The following KCNT2 variants were observed in gnomAD, a reference collection of about 807,000 sequenced individuals.
The protein encoded by KCNT2 is potassium channel subfamily T member 2.
KCNT2 carries 67 observed loss-of-function variants against 153.8 expected under a neutral mutation model. The observed-to-expected ratio is 0.44, with a 90% CI of 0.36 to 0.53. KCNT2 has a LOEUF of 0.53. Ranked by LOEUF, KCNT2 falls within the 20% of genes least tolerant of loss-of-function variation. KCNT2 has a pLI of 0.00. For synonymous variants in KCNT2, 500 were observed against 458.8 expected, an observed-to-expected ratio of 1.09 and a Z score of -1.15; for missense variants, 975 against 1,354.8, an observed-to-expected ratio of 0.72 and a Z score of 4.40.
intron 1 of KCNT2, among the ~76,000 whole-genome samples, chr1:196,527,780 GA>G (rs1355159296): frequency 3.3e-5 from 5 of 152,162 alleles, no homozygotes; most frequent in African/African-American, 1.2e-4. Flanking sequence ...TGGTGCACAA[GA>G]AGGAACATAA....
At chr1:196,522,357 G>T (rs1212433759) in intron 1 of KCNT2, among the ~76,000 whole-genome samples, 1 of 152,176 alleles carries the variant, frequency 6.6e-6, no homozygotes, top group Non-Finnish European at 1.5e-5. Context: ...ATTACTACTA[G>T]AGGTACCAGC....
intron 1 of KCNT2, among the ~76,000 whole-genome samples, chr1:196,561,589 C>T (rs888322272): frequency 2.2e-5 from 3 of 138,496 alleles, no homozygotes; most frequent in South Asian, 2.4e-4. Context: ...AGAATGCTCA[C>T]GTTGCAGTGA....
chr1:196,471,415 GT>G (rs938536086), intron 5 of KCNT2, among the ~76,000 whole-genome samples: 33 of 151,466 alleles, frequency 2.2e-4, no homozygotes, highest in African/African-American at 7.3e-4. Flanking sequence ...GTTATGCCAT[GT>G]TTTTTTTTAA....
chr1:196,489,936 A>G lies in KCNT2; in HGVS notation c.177T>C (p.Ser59=), dbSNP rs752715117. The G allele has an allele frequency of 3.5e-6, 5 of 1,429,520 alleles. No individual in the cohort carries two copies. The African/African-American group carries it at 5.9e-5, about 17-fold the overall frequency. The allele number at this position is 1,429,520 out of a possible 1,614,324, so 88.6% of individuals were successfully genotyped here. ...AAAAATTGAACAGGCGTATCCTTAG[A>G]CCTTTAAACAAATGATAAAAGTTTG... ...KLFFIKNQRS[S]LRIRLFNFSL... Residue 59 remains serine (S), a splice_region_variant and synonymous_variant, in exon 3 of 28, where the codon AGT becomes AGC. Coordinates refer to ENST00000294725, the MANE Select transcript of KCNT2 (RefSeq NM_198503.5).
At chr1:196,584,512 C>G (rs1012965672) in intron 1 of KCNT2, among the ~76,000 whole-genome samples, 1 of 151,868 alleles carries the variant, frequency 6.6e-6, no homozygotes, top group Non-Finnish European at 1.5e-5. Flanking sequence ...TAAGGGTGCA[C>G]GTATTCCAAG....
chr1:196,583,666 T>A (rs1558105394), intron 1 of KCNT2, among the ~76,000 whole-genome samples: 1 of 151,046 alleles, frequency 6.6e-6, no homozygotes, highest in Non-Finnish European at 1.5e-5. Flanking sequence ...AAGAATGATA[T>A]CATAGAAATC....
chr1:196,434,978 C>G (rs1674492432), intron 8 of KCNT2, among the ~76,000 whole-genome samples: 2 of 150,994 alleles, frequency 1.3e-5, no homozygotes, highest in Admixed American at 6.6e-5. Context: ...CTCCTCAGGC[C>G]ATTACTGAAG....
At chr1:196,423,792 A>C (rs1673415513) in intron 11 of KCNT2, among the ~76,000 whole-genome samples, 1 of 151,856 alleles carries the variant, frequency 6.6e-6, no homozygotes, top group African/African-American at 2.4e-5. Context: ...AAATAAGACC[A>C]AACCAAACAG....
chr1:196,404,566 T>A (rs779960316), intron 12 of KCNT2, among the ~76,000 whole-genome samples: 3 of 151,574 alleles, frequency 2.0e-5, no homozygotes, highest in Non-Finnish European at 3.0e-5. Context: ...GAACATTCTT[T>A]ATGGGCTCAG....
intron 4 of KCNT2, among the ~76,000 whole-genome samples, 177 bp downstream of exon 4, chr1:196,482,154 A>C (rs1679068412): frequency 6.6e-6 from 1 of 152,140 alleles, no homozygotes; most frequent in Non-Finnish European, 1.5e-5. Flanking sequence ...AAGAGGTAGA[A>C]TGCAGGGCTC....
Position 196,473,914 on chromosome 1 carries a change from A to G in KCNT2, c.385-4846T>C, listed in dbSNP as rs1055483225. On this transcript the variant is annotated intron_variant, in intron 5 of 27. Coordinates refer to ENST00000294725, the MANE Select transcript of KCNT2 (RefSeq NM_198503.5). ...ACAATGCCTTTCAAAATTGTATTAA[A>G]TACATTTTTCATTTAATCTTATTTT... Among the ~76,000 whole-genome samples the G allele has an allele frequency of 3.3e-5, 5 of 152,286 alleles. No homozygotes were observed. In the East Asian group the frequency reaches 9.6e-4, roughly 29 times the overall value.
chr1:196,325,255 C>G (rs1490997925), intron 19 of KCNT2, among the ~76,000 whole-genome samples: 2 of 152,070 alleles, frequency 1.3e-5, no homozygotes, highest in African/African-American at 4.8e-5. Context: ...AGCACAGTTC[C>G]ACTTTTTTCT....
chr1:196,548,921 C>T (rs12733383), intron 1 of KCNT2, among the ~76,000 whole-genome samples: 150,510 of 151,624 alleles, frequency 0.99, 74,710 homozygotes, highest in Middle Eastern at 1. Context: ...AACCAAACAC[C>T]GCATAGTCTC....
chr1:196,235,852 T>G (rs368828604), intron 27 of KCNT2, 134 bp downstream of exon 27: 37 of 531,484 alleles, frequency 7.0e-5, no homozygotes, highest in African/African-American at 6.7e-4. Flanking sequence ...ATTTGTTTAT[T>G]TATAAAATTA....
chr1:196,229,292 G>A (rs1307481269), intron 27 of KCNT2, among the ~76,000 whole-genome samples: 1 of 151,938 alleles, frequency 6.6e-6, no homozygotes, highest in East Asian at 1.9e-4. Flanking sequence ...AATTATATCT[G>A]TTATAGTGAT....
chr1:196,561,640 G>A (rs550472453), intron 1 of KCNT2, among the ~76,000 whole-genome samples: 20 of 23,862 alleles, frequency 8.4e-4, no homozygotes, highest in Non-Finnish European at 1.0e-3. Flanking sequence ...GACACAGAGC[G>A]AGACTTCATC....
intron 8 of KCNT2, among the ~76,000 whole-genome samples, chr1:196,440,965 A>G (rs1675173271): frequency 6.6e-6 from 1 of 151,844 alleles, no homozygotes; most frequent in Admixed American, 6.6e-5. Context: ...CAGCAGCCAA[A>G]CAAAGCACTA....
chr1:196,494,080 C>T (rs1299093251), intron 1 of KCNT2, among the ~76,000 whole-genome samples: 3 of 152,184 alleles, frequency 2.0e-5, no homozygotes, highest in African/African-American at 7.2e-5. Context: ...CATATACATA[C>T]TACAAAAGTC....
At position 196,306,462 on chromosome 1, in the gene KCNT2, C is replaced by G. The variant is rs553389087; in HGVS notation, c.2484-1117G>C. Among the ~76,000 whole-genome samples, 13 of 152,214 alleles carry G rather than the reference C, an allele frequency of 8.5e-5. No homozygotes were observed. The South Asian group carries it at 2.5e-3, about 29-fold the overall frequency. On this transcript the variant is annotated intron_variant, in intron 21 of 27. Transcript: ENST00000294725. ...ACATGCTTCTTTTAAGATGGGAGCCCTGTCCTTGAGCTCCAGCATTACAGA... is the reference window on the plus strand; with the variant it reads ...ACATGCTTCTTTTAAGATGGGAGCCGTGTCCTTGAGCTCCAGCATTACAGA...
Sources: allele counts gnomAD v4.1 joint callset (sites outside exome capture counted in the v4.1 genomes callset), GRCh38; gene constraint gnomAD v4.1.1; transcripts MANE v1.5; gene names NCBI Gene and HGNC (gene_info 2026-07-23, HGNC 2026-07-21).